Variants in TMEM117 observed in about 807,000 individuals in gnomAD.
TMEM117 encodes transmembrane protein 117.
A neutral mutation model predicts 52.4 loss-of-function variants in TMEM117; 27 were observed. The observed-to-expected ratio is 0.51, with a 90% CI of 0.38 to 0.71. The LOEUF (loss-of-function observed/expected upper bound fraction) is 0.71, where lower values mean the gene tolerates loss of function less well. TMEM117 is among the 30% of genes least tolerant of loss of function. TMEM117 has a pLI of 0.00. For synonymous variants in TMEM117, 215 were observed against 206.3 expected, an observed-to-expected ratio of 1.04 and a Z score of -0.36; for missense variants, 556 against 630.5, an observed-to-expected ratio of 0.88 and a Z score of 1.26.
chr12:43,839,747 A>G (rs952045606), intron 1 of TMEM117, among the ~76,000 whole-genome samples: 3 of 152,266 alleles, frequency 2.0e-5, no homozygotes, highest in African/African-American at 7.2e-5. Context: ...ACCCTAGCAC[A>G]TAGGCCAGTG....
chr12:44,255,009 T>C (rs138884293), intron 5 of TMEM117, among the ~76,000 whole-genome samples: 1,615 of 152,276 alleles, frequency 0.011, 11 homozygotes, highest in African/African-American at 0.018. Flanking sequence ...TATGGCTGCA[T>C]AGTATTCCAT....
At chr12:44,350,890 A>G (rs1156253329) in intron 6 of TMEM117, among the ~76,000 whole-genome samples, 2 of 152,046 alleles carry the variant, frequency 1.3e-5, no homozygotes, top group African/African-American at 4.8e-5. Context: ...CAGCAGTGGG[A>G]TTCCTGGATC....
intron 5 of TMEM117, among the ~76,000 whole-genome samples, chr12:44,226,690 G>T (rs565407459): frequency 6.6e-6 from 1 of 152,038 alleles, no homozygotes; most frequent in African/African-American, 2.4e-5. Flanking sequence ...TATGACTGGT[G>T]TCCGTATAAG....
At chr12:44,079,473 G>A (rs1388432493) in intron 3 of TMEM117, among the ~76,000 whole-genome samples, 1 of 152,054 alleles carries the variant, frequency 6.6e-6, no homozygotes, top group East Asian at 1.9e-4. Context: ...GTGATGATGA[G>A]CTTTTTTTCA....
chr12:44,022,607 A>C (rs1210523493), intron 3 of TMEM117, among the ~76,000 whole-genome samples: 11 of 152,206 alleles, frequency 7.2e-5, no homozygotes, highest in Non-Finnish European at 1.5e-5. Flanking sequence ...TGTGAGCATA[A>C]TAAAGAAGGA....
intron 4 of TMEM117, among the ~76,000 whole-genome samples, chr12:44,156,300 T>G (rs1948824988): frequency 6.6e-6 from 1 of 152,094 alleles, no homozygotes; most frequent in Non-Finnish European, 1.5e-5. Context: ...GTGGAAATCT[T>G]AAATGAATAC....
intron 3 of TMEM117, among the ~76,000 whole-genome samples, chr12:43,948,462 C>T (rs1945169278): frequency 6.6e-6 from 1 of 152,036 alleles, no homozygotes; most frequent in Admixed American, 6.6e-5. Flanking sequence ...CCTGCCACCA[C>T]ACCCGGCTAA....
rs566576134 is a variant in TMEM117 at position 43,977,464 on chromosome 12, G to A, written c.410+33122G>A. 5.2e-4 allele frequency among the ~76,000 whole-genome samples: 79 copies of A among 152,244 alleles called. 1 individual carries two copies. The South Asian group carries it at 0.011, about 20-fold the overall frequency. ...ATTCTCTTCCCCATGTTAGCAATTT[G>A]TTTGGACCACTACATACATTACTGT... is the stretch of plus-strand genomic sequence containing the variant. On this transcript the variant is annotated intron_variant, in intron 3 of 7. Transcript: ENST00000266534.
chr12:44,191,583 T>A (rs2138343986), intron 4 of TMEM117, among the ~76,000 whole-genome samples: 1 of 152,292 alleles, frequency 6.6e-6, no homozygotes, highest in East Asian at 1.9e-4. Flanking sequence ...ATGATTTGAA[T>A]ATATTTTACT....
chr12:44,260,900 T>G (rs1950313058), intron 5 of TMEM117, among the ~76,000 whole-genome samples: 1 of 152,210 alleles, frequency 6.6e-6, no homozygotes, highest in Non-Finnish European at 1.5e-5. Flanking sequence ...ACAAATTTTT[T>G]TAGCAAGCTG....
chr12:44,233,711 T>C (rs907224839), intron 5 of TMEM117, among the ~76,000 whole-genome samples: 1 of 151,432 alleles, frequency 6.6e-6, no homozygotes, highest in Non-Finnish European at 1.5e-5. Context: ...GGCATCATAG[T>C]GGCATTTTCT....
intron 3 of TMEM117, among the ~76,000 whole-genome samples, chr12:43,961,577 A>G (rs1375914844): frequency 6.6e-6 from 1 of 152,218 alleles, no homozygotes; most frequent in Non-Finnish European, 1.5e-5. Flanking sequence ...CCATAAATGA[A>G]AAGTAAATAT....
chr12:44,020,812 T>C (rs1255450634), intron 3 of TMEM117, among the ~76,000 whole-genome samples: 1 of 152,156 alleles, frequency 6.6e-6, no homozygotes, highest in Non-Finnish European at 1.5e-5. Context: ...AAAGACAGAA[T>C]AGAGGCTACA....
At chr12:44,178,104 G>A (rs751524516) in intron 4 of TMEM117, among the ~76,000 whole-genome samples, 6 of 151,980 alleles carry the variant, frequency 3.9e-5, no homozygotes, top group South Asian at 2.1e-4. Flanking sequence ...AGATGCTTCC[G>A]TATCTTGGAC....
intron 3 of TMEM117, among the ~76,000 whole-genome samples, chr12:43,976,066 A>G (rs1945665874): frequency 6.6e-6 from 1 of 152,170 alleles, no homozygotes; most frequent in Admixed American, 6.5e-5. Flanking sequence ...ACCAGGACTA[A>G]AATGAGAGAC....
intron 3 of TMEM117, among the ~76,000 whole-genome samples, chr12:43,976,166 A>G (rs7298388): frequency 0.074 from 11,207 of 152,224 alleles, 690 homozygotes; most frequent in African/African-American, 0.18. Flanking sequence ...AGTCGACTGG[A>G]GGCTAAATGG....
intron 3 of TMEM117, among the ~76,000 whole-genome samples, chr12:44,040,626 A>G (rs1259001582): frequency 6.6e-6 from 1 of 152,158 alleles, no homozygotes; most frequent in Non-Finnish European, 1.5e-5. Flanking sequence ...TATACACTTT[A>G]TATCTTATTC....
intron 3 of TMEM117, among the ~76,000 whole-genome samples, chr12:44,130,724 T>C (rs1288976974): frequency 6.6e-6 from 1 of 152,158 alleles, no homozygotes; most frequent in Non-Finnish European, 1.5e-5. Context: ...ATCTACTTTT[T>C]ATTCCTATGT....
chr12:44,324,467 A>T (rs1463649629), intron 6 of TMEM117, among the ~76,000 whole-genome samples: 2 of 152,042 alleles, frequency 1.3e-5, no homozygotes, highest in African/African-American at 4.8e-5. Flanking sequence ...TTACTTTTTC[A>T]TGGTCAGAAT....
Sources: gnomAD v4.1 joint callset for allele counts (sites outside exome capture counted in the v4.1 genomes callset) on GRCh38, gnomAD v4.1.1 for gene constraint, MANE v1.5 for transcripts, NCBI Gene and HGNC (gene_info 2026-07-23, HGNC 2026-07-21) for gene names.